PATJ: variants seen among roughly 807,000 people sequenced by gnomAD.
PATJ encodes inaD-like protein.
In PATJ, 190 loss-of-function variants were observed where a neutral mutation model predicts 224.9. That is an observed-to-expected ratio of 0.84 (90% CI 0.75 to 0.95). The LOEUF (loss-of-function observed/expected upper bound fraction) is 0.95. Among genes scored for constraint, PATJ ranks in the 40% least tolerant of loss-of-function variants. The pLI is 0.00. For missense variants in PATJ, 2,121 were observed against 2,270.3 expected (o/e 0.93, Z 1.34); for synonymous variants, 769 against 820.3 (o/e 0.94, Z 1.07).
chr1:61,949,216 A>G (rs992174858), intron 27 of PATJ, among the ~76,000 whole-genome samples: 40 of 151,064 alleles, frequency 2.6e-4, no homozygotes, highest in African/African-American at 8.5e-4. Context: ...GTATAATAAT[A>G]AAAAAAAAGA....
chr1:62,085,118 T>C (rs1159522808), intron 33 of PATJ, among the ~76,000 whole-genome samples: 1 of 152,098 alleles, frequency 6.6e-6, no homozygotes, highest in African/African-American at 2.4e-5. Flanking sequence ...AAAAATTAGC[T>C]GGGCATGGTG....
chr1:61,834,024 T>G (rs554363752), intron 17 of PATJ, among the ~76,000 whole-genome samples: 12 of 152,344 alleles, frequency 7.9e-5, no homozygotes, highest in African/African-American at 2.9e-4. Context: ...ATGGGTGCTT[T>G]TAGAGCAGGA....
chr1:61,846,775 T>C (rs1662033811), intron 17 of PATJ, among the ~76,000 whole-genome samples: 1 of 152,164 alleles, frequency 6.6e-6, no homozygotes, highest in South Asian at 2.1e-4. Flanking sequence ...GTTTTTGTAT[T>C]TTTAGTAGAG....
intron 22 of PATJ, among the ~76,000 whole-genome samples, chr1:61,888,244 A>G (rs543328130): frequency 2.0e-5 from 3 of 152,212 alleles, no homozygotes; most frequent in Admixed American, 6.5e-5. Flanking sequence ...AGTTAGAAAC[A>G]TATTTTATGG....
rs1485495380 is a variant in PATJ at position 61,808,531 on chromosome 1, G to A, written c.1683+1G>A. ...TGCTGAGTTACAGAAATATTCAAAG[G>A]TAAGCATTTTTTATAACAAAGTTAA... On this transcript the variant is annotated splice_donor_variant, in intron 14 of 43. Coordinates refer to ENST00000642238, the MANE Select transcript of PATJ (RefSeq NM_001350145.3). LOFTEE classifies it high-confidence loss of function. The A allele has an allele frequency of 1.3e-6, 2 of 1,589,940 alleles. No individual in the cohort carries two copies. The highest frequency in any genetic ancestry group is 1.1e-5 in the South Asian group (1 of 90,226).
intron 7 of PATJ, among the ~76,000 whole-genome samples, chr1:61,780,645 T>A (rs1647198636): frequency 1.3e-5 from 2 of 150,514 alleles, no homozygotes; most frequent in Non-Finnish European, 3.0e-5. Context: ...ATAGGTTTGT[T>A]TGTTGGAGTG....
chr1:62,085,673 G>A (rs1010776003), intron 33 of PATJ, among the ~76,000 whole-genome samples: 1 of 151,720 alleles, frequency 6.6e-6, no homozygotes, highest in African/African-American at 2.4e-5. Flanking sequence ...TTTTAAATTA[G>A]CAAGGCATGG....
intron 41 of PATJ, among the ~76,000 whole-genome samples, chr1:62,147,783 G>A (rs1028480962): frequency 5.3e-5 from 8 of 150,522 alleles, no homozygotes; most frequent in African/African-American, 2.0e-4. Flanking sequence ...TGGTGACAGA[G>A]CGAGACTCCG....
In PATJ at chr1:61,947,019, C is replaced by A. The variant is rs920647909; in HGVS notation, c.3670+19190C>A. On this transcript the variant is annotated intron_variant, in intron 27 of 43. Coordinates refer to ENST00000642238, the MANE Select transcript of PATJ (RefSeq NM_001350145.3). ...AAGGCCTTTGACAAAATTCAACAGC[C>A]CTTCATGCTAAAAACTCTCAATAAA... Among the ~76,000 whole-genome samples, 8 of 152,242 alleles carry A rather than the reference C, an allele frequency of 5.3e-5. No homozygotes were observed. The South Asian group carries it at 6.2e-4, about 12-fold the overall frequency.
chr1:62,114,760 T>C (rs1664260865), intron 35 of PATJ: 1 of 158,202 alleles, frequency 6.3e-6, no homozygotes, highest in South Asian at 2.0e-4. Flanking sequence ...AATGTCCTGC[T>C]GGGCACAGTG....
At chr1:61,811,917 C>T (rs183488783) in intron 14 of PATJ, among the ~76,000 whole-genome samples, 171 of 151,400 alleles carry the variant, frequency 1.1e-3, no homozygotes, top group African/African-American at 4.1e-3. Context: ...AAAAATTAGC[C>T]GGGCGTGGTG....
chr1:62,050,446 G>T (rs1267773954), intron 30 of PATJ, among the ~76,000 whole-genome samples: 1 of 152,196 alleles, frequency 6.6e-6, no homozygotes, highest in African/African-American at 2.4e-5. Flanking sequence ...CATTTGCTTT[G>T]TAACCCACAG....
At chr1:61,945,297 T>C (rs1338954710) in intron 27 of PATJ, among the ~76,000 whole-genome samples, 1 of 151,452 alleles carries the variant, frequency 6.6e-6, no homozygotes, top group Middle Eastern at 3.2e-3. Flanking sequence ...GGATAAAGAG[T>C]CAAGACCCAT....
intron 41 of PATJ, among the ~76,000 whole-genome samples, chr1:62,138,939 C>T (rs1480473024): frequency 6.6e-6 from 1 of 152,104 alleles, no homozygotes; most frequent in Non-Finnish European, 1.5e-5. Flanking sequence ...CCTCTATCCA[C>T]TCTGACCTGC....
chr1:62,140,371 G>A (rs1164041403), intron 41 of PATJ, among the ~76,000 whole-genome samples: 1 of 152,112 alleles, frequency 6.6e-6, no homozygotes, highest in African/African-American at 2.4e-5. Context: ...ATTGATTTTT[G>A]GCCGAGCGTG....
chr1:62,157,193 A>G (rs1669314542), intron 43 of PATJ, among the ~76,000 whole-genome samples: 2 of 151,750 alleles, frequency 1.3e-5, no homozygotes, highest in Non-Finnish European at 2.9e-5. Context: ...GCATAGTGGC[A>G]GGTGCCTGTA....
chr1:61,949,805 C>A (rs939901012), intron 27 of PATJ, among the ~76,000 whole-genome samples: 1 of 142,586 alleles, frequency 7.0e-6, no homozygotes, highest in African/African-American at 2.5e-5. Context: ...ACTTGGGAGG[C>A]TGAGGCAGGA....
At chr1:62,099,529 A>AT (rs919652507) in intron 33 of PATJ, among the ~76,000 whole-genome samples, 15 of 151,524 alleles carry the variant, frequency 9.9e-5, no homozygotes, top group Non-Finnish European at 2.9e-5. Context: ...GTCCCTTAGG[A>AT]TTTTTTTTGT....
At chr1:61,866,387 T>C (rs754282264) in intron 20 of PATJ, among the ~76,000 whole-genome samples, 2 of 152,236 alleles carry the variant, frequency 1.3e-5, no homozygotes, top group Non-Finnish European at 2.9e-5. Context: ...TGAAAACCTG[T>C]GAGATGTTAA....
Sources: allele counts gnomAD v4.1 joint callset (sites outside exome capture counted in the v4.1 genomes callset), GRCh38; gene constraint gnomAD v4.1.1; transcripts MANE v1.5; gene names NCBI Gene and HGNC (gene_info 2026-07-23, HGNC 2026-07-21).